TRIM60: variants seen among roughly 807,000 people sequenced by gnomAD.
TRIM60 encodes tripartite motif-containing protein 60.
For missense variants in TRIM60, 524 were observed against 540.8 expected (o/e 0.97, Z 0.31); for synonymous variants, 189 against 195.2 (o/e 0.97, Z 0.27).
chr4:165,040,109 G>A lies in TRIM60; in HGVS notation c.37G>A (p.Glu13Lys), dbSNP rs1313568785. The change falls in exon 3 of 3, where the codon GAG becomes AAG. Residue 13 changes from glutamate (E) to lysine (K), a missense_variant. Physicochemically the swap from Glu to Lys is moderately conservative, Grantham distance 56. Coordinates refer to ENST00000512596, the MANE Select transcript of TRIM60 (RefSeq NM_152620.3). ...GACAGCCCTGGTGAACCTCCAAGAG[G>A]AGTCTAGCTGTCCCATCTGTCTGGA... ...FVTALVNLQE[E>K]SSCPICLEYL... 1.9e-6 allele frequency: 3 copies of A among 1,613,268 alleles called. No homozygotes were observed. The highest frequency in any genetic ancestry group is 1.7e-5 in the Admixed American group (1 of 60,020).
chr4:165,033,026 C>CAA (rs552897039), intron 1 of TRIM60, among the ~76,000 whole-genome samples: 15 of 82,190 alleles, frequency 1.8e-4, no homozygotes, highest in Admixed American at 4.4e-4. Context: ...CCTGTCTCTA[C>CAA]AAAAAAAAAA....
At chr4:165,037,182 C>T (rs533201839) in intron 1 of TRIM60, among the ~76,000 whole-genome samples, 5 of 152,050 alleles carry the variant, frequency 3.3e-5, no homozygotes, top group South Asian at 2.1e-4. Flanking sequence ...GCCTGGGCAA[C>T]GAGAGCAAAA....
At chr4:165,038,249 C>T (rs73005799) in intron 1 of TRIM60, among the ~76,000 whole-genome samples, 7,964 of 152,114 alleles carry the variant, frequency 0.052, 585 homozygotes, top group African/African-American at 0.16. Flanking sequence ...TTCAGGAAGC[C>T]TAACTTTGAT....
rs573483627 is a variant in TRIM60 at position 165,035,734 on chromosome 4, T to C, written c.-56-3467T>C. On this transcript the variant is annotated intron_variant, in intron 1 of 2. Transcript: ENST00000512596. ...CTTTTTTCTTTTTTTCTTTCTTTTT[T>C]TTTTTTAGACAGAGTTTTGCTCCTG... Among the ~76,000 whole-genome samples, 80 of 152,138 alleles carry C rather than the reference T, an allele frequency of 5.3e-4. No individual in the cohort carries two copies. In the South Asian group the frequency reaches 8.7e-3, roughly 17 times the overall value.
rs745409705 is a variant in TRIM60, at chr4:165,040,258, C to T, written c.186C>T (p.Tyr62=). 1.2e-6 allele frequency: 2 copies of T among 1,614,038 alleles called. No homozygotes were observed. The highest frequency in any genetic ancestry group is 1.3e-5 in the African/African-American group (1 of 74,922). ...CTGTCTGCCGTTTTTGCTTTCCATA[C>T]AAGAGCTTCAGGAGGAACCCCCAGC... is the stretch of plus-strand genomic sequence containing the variant. The part of the protein sequence containing the change: ...PCPVCRFCFP[Y]KSFRRNPQLR... The change falls in exon 3 of 3, where the codon TAC becomes TAT. Residue 62 remains tyrosine (Y), a synonymous_variant. Coordinates refer to ENST00000512596, the MANE Select transcript of TRIM60 (RefSeq NM_152620.3).
intron 1 of TRIM60, among the ~76,000 whole-genome samples, chr4:165,036,835 C>T (rs369865456): frequency 8.4e-5 from 12 of 143,482 alleles, no homozygotes; most frequent in South Asian, 2.3e-4. Context: ...GAGCCGAGAT[C>T]GTGCCATCGC....
intron 2 of TRIM60, chr4:165,039,742 G>A (rs1431773531): frequency 6.4e-6 from 1 of 155,954 alleles, no homozygotes; most frequent in East Asian, 1.9e-4. Context: ...AGCTTGCAGT[G>A]AGCCGAGATT....
rs750522483 is a variant in TRIM60 at position 165,041,420 on chromosome 4, C to G, written c.1348C>G (p.Pro450Ala). The G allele has an allele frequency of 9.9e-6, 16 of 1,611,192 alleles. No individual in the cohort carries two copies. The highest frequency in any genetic ancestry group is 1.4e-5 in the Non-Finnish European group (16 of 1,178,494). The change falls in exon 3 of 3, where the codon CCT becomes GCT. Residue 450 changes from proline to alanine, a missense_variant. By Grantham distance (27) the Pro-to-Ala change is conservative. Coordinates refer to ENST00000512596, the MANE Select transcript of TRIM60 (RefSeq NM_152620.3). ...FNDCFTEAVWPYFYTGTDSEP... is the reference protein window; with the variant it reads ...FNDCFTEAVWAYFYTGTDSEP... Reference sequence around the variant, plus strand: ...CGATTGTTTCACAGAAGCCGTTTGGCCTTATTTCTATACTGGAACAGATTC... The same window carrying G: ...CGATTGTTTCACAGAAGCCGTTTGGGCTTATTTCTATACTGGAACAGATTC...
At chr4:165,036,178 C>T (rs58806777) in intron 1 of TRIM60, among the ~76,000 whole-genome samples, 7,985 of 152,242 alleles carry the variant, frequency 0.052, 585 homozygotes, top group African/African-American at 0.16. Flanking sequence ...CTCATTCTTC[C>T]GCACAATACC....
intron 1 of TRIM60, among the ~76,000 whole-genome samples, chr4:165,038,629 A>G (rs1733677048): frequency 6.7e-6 from 1 of 148,394 alleles, no homozygotes; most frequent in Non-Finnish European, 1.5e-5. Flanking sequence ...TGACACAGAA[A>G]GACCCTGTCT....
At chr4:165,036,881 C>CAAA (rs58526101) in intron 1 of TRIM60, among the ~76,000 whole-genome samples, 2 of 76,254 alleles carry the variant, frequency 2.6e-5, no homozygotes, top group Non-Finnish European at 6.0e-5. Context: ...GACTCTGTCT[C>CAAA]AAAAAAAAAA....
At chr4:165,038,477 C>T (rs1045708635) in intron 1 of TRIM60, among the ~76,000 whole-genome samples, 8 of 151,460 alleles carry the variant, frequency 5.3e-5, no homozygotes, top group African/African-American at 1.7e-4. Flanking sequence ...TTGTTCAAAA[C>T]CACCCTGGCC....
chr4:165,040,669 G>A lies in TRIM60; in HGVS notation c.597G>A (p.Glu199=), dbSNP rs377641789. The change falls in exon 3 of 3, where the codon GAG becomes GAA. Residue 199 remains glutamate (E), a synonymous_variant. Coordinates refer to ENST00000512596, the MANE Select transcript of TRIM60 (RefSeq NM_152620.3). ...GATTGTTTTTACAGAATGAACAAGA[G>A]ATGATTCTTAGGCAGATACAAGATG... The part of the protein sequence containing the change: ...QIRLFLQNEQ[E]MILRQIQDEE... 3.7e-5 allele frequency: 59 copies of A among 1,613,812 alleles called. No homozygotes were observed. The highest frequency in any genetic ancestry group is 4.8e-5 in the Non-Finnish European group (57 of 1,179,950).
chr4:165,036,377 T>G (rs1383708773), intron 1 of TRIM60, among the ~76,000 whole-genome samples: 1 of 152,238 alleles, frequency 6.6e-6, no homozygotes, highest in African/African-American at 2.4e-5. Flanking sequence ...TACCTAATAA[T>G]TTGTGTGATA....
rs775734767 is a variant in TRIM60, at chr4:165,040,740, T to C, written c.668T>C (p.Leu223Pro). The C allele has an allele frequency of 6.2e-6, 10 of 1,614,112 alleles. No individual in the cohort carries two copies. Among genetic ancestry groups the C allele is most frequent in the Non-Finnish European group, 8.5e-6 (10 of 1,180,010 alleles). ...AAACTAAATGAAAACCTTGTAGAAC[T>C]TTCAGATTATGTTTCCACATTAAAA... ...LAKLNENLVELSDYVSTLKHL... is the reference protein window; with the variant it reads ...LAKLNENLVEPSDYVSTLKHL... Residue 223 changes from leucine (L) to proline (P), a missense_variant, in exon 3 of 3, where the codon CTT (leucine) becomes CCT (proline). Coordinates refer to ENST00000512596, the MANE Select transcript of TRIM60 (RefSeq NM_152620.3).
chr4:165,040,009 G>A, intron 2 of TRIM60, 60 bp from the exon 3 acceptor site: 2 of 1,403,228 alleles, frequency 1.4e-6, no homozygotes, highest in Non-Finnish European at 2.0e-6. Context: ...CTGGGTTTGC[G>A]CTCTACGGAG....
At chr4:165,037,834 A>G (rs567327085) in intron 1 of TRIM60, among the ~76,000 whole-genome samples, 12 of 152,124 alleles carry the variant, frequency 7.9e-5, no homozygotes, top group African/African-American at 2.7e-4. Flanking sequence ...ATTATTCTCT[A>G]TTTGTATTAT....
intron 1 of TRIM60, among the ~76,000 whole-genome samples, chr4:165,038,388 C>T (rs1733670977): frequency 6.6e-6 from 1 of 150,956 alleles, no homozygotes; most frequent in Non-Finnish European, 1.5e-5. Flanking sequence ...TTTTTTTTCC[C>T]CTCATATGTA....
intron 1 of TRIM60, among the ~76,000 whole-genome samples, chr4:165,032,812 T>C (rs181796857): frequency 6.6e-6 from 1 of 152,260 alleles, no homozygotes; most frequent in African/African-American, 2.4e-5. Context: ...TCTAAAGTAA[T>C]AGAGGTTGAA....
Sources: gnomAD v4.1 joint callset for allele counts (sites outside exome capture counted in the v4.1 genomes callset) on GRCh38, gnomAD v4.1.1 for gene constraint, MANE v1.5 for transcripts, NCBI Gene and HGNC (gene_info 2026-07-23, HGNC 2026-07-21) for gene names.